GPM6A: variants seen among roughly 807,000 people sequenced by gnomAD.
The protein encoded by GPM6A is glycoprotein M6A, also known as neuronal membrane glycoprotein M6-a.
Under a neutral mutation model 32.1 loss-of-function variants are expected in GPM6A, and 7 were observed. The ratio of observed to expected loss-of-function variants is 0.22; its 90% CI spans 0.12 to 0.41. The LOEUF (loss-of-function observed/expected upper bound fraction) is 0.41, where lower values mean the gene tolerates loss of function less well. Ranked by LOEUF, GPM6A falls within the 10% of genes least tolerant of loss-of-function variation. The pLI, the probability that GPM6A is intolerant of heterozygous loss-of-function variation, is 1.00. For synonymous variants in GPM6A, 130 were observed against 123.4 expected (o/e 1.05, Z -0.35); for missense variants, 235 against 347.2 (o/e 0.68, Z 2.57).
intron 1 of GPM6A, among the ~76,000 whole-genome samples, chr4:175,871,505 C>G (rs1443111325): frequency 6.6e-6 from 1 of 152,084 alleles, no homozygotes. Flanking sequence ...TTCAATCTTA[C>G]TAACAAGTAG....
intron 1 of GPM6A, among the ~76,000 whole-genome samples, chr4:175,915,180 T>A (rs1480860601): frequency 6.6e-6 from 1 of 152,116 alleles, no homozygotes; most frequent in African/African-American, 2.4e-5. Flanking sequence ...TTTAATCATA[T>A]TACAATTTAA....
intron 1 of GPM6A, among the ~76,000 whole-genome samples, chr4:175,934,550 T>G (rs562880492): frequency 6.6e-6 from 1 of 152,296 alleles, no homozygotes; most frequent in South Asian, 2.1e-4. Flanking sequence ...AATTTTCGAG[T>G]GATAATGTTC....
At chr4:175,918,038 A>T (rs1738549888) in intron 1 of GPM6A, among the ~76,000 whole-genome samples, 1 of 152,100 alleles carries the variant, frequency 6.6e-6, no homozygotes, top group Admixed American at 6.6e-5. Context: ...AGAGTAAATT[A>T]CCATAATTCT....
chr4:175,983,550 T>C (rs1000175278), intron 1 of GPM6A, among the ~76,000 whole-genome samples: 1 of 152,214 alleles, frequency 6.6e-6, no homozygotes, highest in African/African-American at 2.4e-5. Flanking sequence ...ATAAGGTTTT[T>C]CTTTTTTAAT....
chr4:175,914,384 T>C (rs1160503604), intron 1 of GPM6A, among the ~76,000 whole-genome samples: 2 of 151,924 alleles, frequency 1.3e-5, no homozygotes, highest in East Asian at 3.9e-4. Flanking sequence ...TGCAGTGGTG[T>C]GATCTCGGCT....
At chr4:175,821,272 G>C (rs1322074299) in intron 1 of GPM6A, among the ~76,000 whole-genome samples, 2 of 152,112 alleles carry the variant, frequency 1.3e-5, no homozygotes, top group Non-Finnish European at 2.9e-5. Flanking sequence ...ATTAGCCAAT[G>C]ATTTTCCTCT....
At position 175,701,111 on chromosome 4, in the gene GPM6A, A is replaced by G. The variant is rs1744851950; in HGVS notation, c.230+464T>C. ...AATAAGAACTTTGCACAATATTTACATCATTTCTGTAAATGTAACAGCAAC... is the reference window on the plus strand; with the variant it reads ...AATAAGAACTTTGCACAATATTTACGTCATTTCTGTAAATGTAACAGCAAC... On this transcript the variant is annotated intron_variant, in intron 2 of 6. Coordinates refer to ENST00000393658, the MANE Select transcript of GPM6A (RefSeq NM_201591.3). 2.6e-5 allele frequency among the ~76,000 whole-genome samples: 4 copies of G among 152,204 alleles called. No individual in the cohort carries two copies. In the South Asian group the frequency reaches 6.2e-4, roughly 24 times the overall value.
chr4:175,707,759 C>CGATACTTATGCTTTTACCT (rs932186711), intron 1 of GPM6A, among the ~76,000 whole-genome samples: 2 of 151,912 alleles, frequency 1.3e-5, no homozygotes, highest in Non-Finnish European at 2.9e-5. Flanking sequence ...CTGATATTAT[C>CGATACTTATGCTTTTACCT]GATACTTATG....
At chr4:175,982,898 T>C (rs1208934110) in intron 1 of GPM6A, among the ~76,000 whole-genome samples, 1 of 152,196 alleles carries the variant, frequency 6.6e-6, no homozygotes, top group Non-Finnish European at 1.5e-5. Flanking sequence ...CTTTGTTTTC[T>C]TTCATGGCTA....
Position 175,738,734 on chromosome 4 carries a change from A to T in GPM6A, c.38-36967T>A, listed in dbSNP as rs115441899. Among the ~76,000 whole-genome samples the T allele has an allele frequency of 3.8e-3, 582 of 152,322 alleles. 2 individuals are homozygous for T. The highest frequency in any genetic ancestry group is 0.013 in the African/African-American group (542 of 41,574). Reference sequence around the variant, plus strand: ...GATAATTTTTAAAAATATAATTCTCAATTTCTAAAGGAACAATGTGTTCAT... The same window carrying T: ...GATAATTTTTAAAAATATAATTCTCTATTTCTAAAGGAACAATGTGTTCAT... On this transcript the variant is annotated intron_variant, in intron 1 of 6. Coordinates refer to ENST00000393658, the MANE Select transcript of GPM6A (RefSeq NM_201591.3).
intron 1 of GPM6A, among the ~76,000 whole-genome samples, chr4:175,733,999 C>T (rs1321458533): frequency 6.6e-6 from 1 of 152,084 alleles, no homozygotes; most frequent in Non-Finnish European, 1.5e-5. Flanking sequence ...ATGCTTTGTT[C>T]TACTCAAAAC....
At chr4:175,924,623 T>G (rs993236158) in intron 1 of GPM6A, among the ~76,000 whole-genome samples, 1 of 152,118 alleles carries the variant, frequency 6.6e-6, no homozygotes, top group Non-Finnish European at 1.5e-5. Flanking sequence ...ACGGATCACC[T>G]GAGGTCAGGG....
chr4:175,779,500 G>C (rs1387672144), intron 1 of GPM6A, among the ~76,000 whole-genome samples: 2 of 152,026 alleles, frequency 1.3e-5, no homozygotes, highest in African/African-American at 4.8e-5. Flanking sequence ...AGCGGGTTTC[G>C]TATGGGGCAA....
At chr4:175,961,949 G>A (rs1262368281) in intron 1 of GPM6A, 3 of 482,786 alleles carry the variant, frequency 6.2e-6, no homozygotes, top group South Asian at 2.0e-5. Flanking sequence ...GGACAGTGCT[G>A]CCCCTCACCC....
intron 1 of GPM6A, among the ~76,000 whole-genome samples, chr4:175,760,038 G>T (rs1732676735): frequency 6.6e-6 from 1 of 151,874 alleles, no homozygotes. Flanking sequence ...AAATTAGCCG[G>T]GTGTGATGGT....
rs143205190 is a variant in GPM6A, at chr4:175,682,403, T to C, written c.231-8567A>G. 7.4e-3 allele frequency among the ~76,000 whole-genome samples: 1,125 copies of C among 152,294 alleles called. 17 individuals are homozygous for C. The highest frequency in any genetic ancestry group is 0.025 in the African/African-American group (1,053 of 41,556). ...TGGCAAGAGGAAAAAAAAAGTTTTC[T>C]GGAGAGGAATTCCAGAATTCAAGCA... On this transcript the variant is annotated intron_variant, in intron 2 of 6. Transcript: ENST00000393658.
chr4:175,640,472 A>G (rs1741077100), intron 5 of GPM6A, among the ~76,000 whole-genome samples: 1 of 152,194 alleles, frequency 6.6e-6, no homozygotes, highest in South Asian at 2.1e-4. Context: ...CAATATAAGG[A>G]GGGCTATGCT....
chr4:175,953,554 A>G (rs1333424763), intron 1 of GPM6A, among the ~76,000 whole-genome samples: 1 of 152,170 alleles, frequency 6.6e-6, no homozygotes, highest in African/African-American at 2.4e-5. Flanking sequence ...ATTATGACAC[A>G]TTACACAACT....
At chr4:175,924,794 A>G (rs1319126021) in intron 1 of GPM6A, among the ~76,000 whole-genome samples, 1 of 151,296 alleles carries the variant, frequency 6.6e-6, no homozygotes, top group African/African-American at 2.4e-5. Context: ...GAGTGGAGAT[A>G]ACACTACTGC....
Sources: gnomAD v4.1 joint callset for allele counts (sites outside exome capture counted in the v4.1 genomes callset) on GRCh38, gnomAD v4.1.1 for gene constraint, MANE v1.5 for transcripts, NCBI Gene and HGNC (gene_info 2026-07-23, HGNC 2026-07-21) for gene names.